Variants in ADGRV1 observed in about 807,000 individuals in gnomAD.
ADGRV1 encodes the protein adhesion G protein-coupled receptor V1.
In ADGRV1, 359 loss-of-function variants were observed where a neutral mutation model predicts 596.2. The observed-to-expected ratio is 0.60, with a 90% CI of 0.55 to 0.66. The LOEUF (loss-of-function observed/expected upper bound fraction) is 0.66, where lower values mean the gene tolerates loss of function less well. Ranked by LOEUF, ADGRV1 falls within the 30% of genes least tolerant of loss-of-function variation. The pLI is 0.00. For synonymous variants in ADGRV1, 2,681 were observed against 2,679.2 expected, an observed-to-expected ratio of 1.00 and a Z score of -0.02; for missense variants, 7,274 against 7,575.6, an observed-to-expected ratio of 0.96 and a Z score of 1.48.
intron 79 of ADGRV1, among the ~76,000 whole-genome samples, chr5:90,851,450 G>A (rs1434682229): frequency 6.6e-6 from 1 of 152,130 alleles, no homozygotes; most frequent in African/African-American, 2.4e-5. Context: ...ATTCTGATAT[G>A]CATTATTTAT....
At chr5:90,785,333 A>G (rs1459148961) in intron 67 of ADGRV1, among the ~76,000 whole-genome samples, 1 of 152,252 alleles carries the variant, frequency 6.6e-6, no homozygotes, top group Non-Finnish European at 1.5e-5. Flanking sequence ...ACCATTCAGG[A>G]CATAGGCGTG....
At chr5:90,807,121 GATT>G (rs1455013909) in intron 72 of ADGRV1, among the ~76,000 whole-genome samples, 1 of 152,174 alleles carries the variant, frequency 6.6e-6, no homozygotes, top group Non-Finnish European at 1.5e-5. Context: ...AAAGTGTTGG[GATT>G]ACAGGCGTGA....
At chr5:90,933,179 G>T (rs911838798) in intron 83 of ADGRV1, among the ~76,000 whole-genome samples, 6 of 151,936 alleles carry the variant, frequency 3.9e-5, no homozygotes, top group African/African-American at 1.5e-4. Flanking sequence ...TTTTGTTTAC[G>T]GCAATGAACA....
intron 75 of ADGRV1, among the ~76,000 whole-genome samples, chr5:90,819,325 G>C (rs1168478109): frequency 6.6e-6 from 1 of 151,080 alleles, no homozygotes; most frequent in Non-Finnish European, 1.5e-5. Flanking sequence ...TATTAGTCTT[G>C]CTAGCGGTCT....
At chr5:91,067,013 A>G (rs1787939606) in intron 85 of ADGRV1, among the ~76,000 whole-genome samples, 1 of 152,168 alleles carries the variant, frequency 6.6e-6, no homozygotes, top group South Asian at 2.1e-4. Flanking sequence ...AGAAGTCATG[A>G]CTTGTGGAGC....
intron 83 of ADGRV1, among the ~76,000 whole-genome samples, chr5:90,890,604 AAACACTATAC>A (rs1345978682): frequency 1.6e-4 from 25 of 152,254 alleles, no homozygotes; most frequent in African/African-American, 5.5e-4. Flanking sequence ...GTCACATAAG[AAACACTATAC>A]AAGTGTTCCA....
At chr5:91,022,966 C>A (rs1783762336) in intron 85 of ADGRV1, among the ~76,000 whole-genome samples, 1 of 152,062 alleles carries the variant, frequency 6.6e-6, no homozygotes. Flanking sequence ...AGTCCTAGGG[C>A]CTTGGGGTAG....
chr5:91,113,734 C>G (rs1792589569), intron 87 of ADGRV1, among the ~76,000 whole-genome samples: 1 of 151,718 alleles, frequency 6.6e-6, no homozygotes, highest in African/African-American at 2.4e-5. Context: ...ACCTGGCCAA[C>G]ATGGTGAAAC....
chr5:91,112,228 T>G (rs1255934495), intron 87 of ADGRV1, among the ~76,000 whole-genome samples: 2 of 152,234 alleles, frequency 1.3e-5, no homozygotes, highest in Non-Finnish European at 2.9e-5. Context: ...GTTTTAGTAA[T>G]GAGGGGCTTG....
intron 83 of ADGRV1, among the ~76,000 whole-genome samples, chr5:90,923,522 C>A (rs1380557859): frequency 1.3e-5 from 2 of 152,070 alleles, no homozygotes; most frequent in African/African-American, 4.8e-5. Context: ...TGACCTGGGG[C>A]TCACACACCT....
chr5:91,157,764 A>G (rs1033028512), intron 89 of ADGRV1, among the ~76,000 whole-genome samples: 5 of 152,220 alleles, frequency 3.3e-5, no homozygotes, highest in African/African-American at 1.2e-4. Flanking sequence ...AAAATGAAAA[A>G]GACTCATCAG....
Position 90,847,507 on chromosome 5 carries a change from T to C in ADGRV1, c.17020-1130T>C, listed in dbSNP as rs113119957. On this transcript the variant is annotated intron_variant, in intron 78 of 89. Transcript: ENST00000405460. Reference sequence around the variant, plus strand: ...GTGGAGCTGCCTGCCAGTCCTGCGCTGTGTGCCCACACTCCTCAGCCCTTG... The same window carrying C: ...GTGGAGCTGCCTGCCAGTCCTGCGCCGTGTGCCCACACTCCTCAGCCCTTG... Among the ~76,000 whole-genome samples the C allele has an allele frequency of 5.5e-3, 839 of 152,350 alleles. 10 individuals are homozygous for C. The highest frequency in any genetic ancestry group is 0.019 in the African/African-American group (797 of 41,578).
At chr5:90,934,044 A>G (rs1242255254) in intron 83 of ADGRV1, among the ~76,000 whole-genome samples, 1 of 152,216 alleles carries the variant, frequency 6.6e-6, no homozygotes, top group East Asian at 1.9e-4. Flanking sequence ...TCAGAAAAGT[A>G]GCCATGGGTT....
chr5:91,132,054 G>A (rs1794262865), intron 87 of ADGRV1, among the ~76,000 whole-genome samples: 1 of 152,082 alleles, frequency 6.6e-6, no homozygotes, highest in Admixed American at 6.6e-5. Context: ...GAATAGATAT[G>A]CTTCCCCATT....
Position 90,769,275 on chromosome 5 carries a change from T to G in ADGRV1, c.12286-4911T>G, listed in dbSNP as rs144358278. Among the ~76,000 whole-genome samples the G allele has an allele frequency of 1.8e-4, 27 of 152,260 alleles. No individual in the cohort carries two copies. The East Asian group carries it at 5.2e-3, about 29-fold the overall frequency. On this transcript the variant is annotated intron_variant, in intron 59 of 89. Transcript: ENST00000405460. ...GTCTTTTATGATATACCTTATTTTT[T>G]CACTGCCCACTTTGACTCTTTGCCT... is the stretch of plus-strand genomic sequence containing the variant.
Position 90,755,080 on chromosome 5 carries a change from T to C in ADGRV1, c.11475T>C (p.His3825=). 6.2e-7 allele frequency: 1 copy of C among 1,610,286 alleles called. No individual in the cohort carries two copies. The highest frequency in any genetic ancestry group is 1.1e-5 in the South Asian group (1 of 90,996). ...GAGCTCAACCCAATTTCTTACTGCATGTCGATAATCAAGCTACTGAGAATG... is the reference window on the plus strand; with the variant it reads ...GAGCTCAACCCAATTTCTTACTGCACGTCGATAATCAAGCTACTGAGAATG... The part of the protein sequence containing the change: ...HLRAQPNFLL[H]VDNQATENED... Residue 3825 remains histidine (H), a synonymous_variant, in exon 55 of 90, where the codon CAT becomes CAC. Transcript: ENST00000405460.
chr5:91,146,714 A>G, intron 87 of ADGRV1, among the ~76,000 whole-genome samples: 1 of 152,252 alleles, frequency 6.6e-6, no homozygotes, highest in East Asian at 1.9e-4. Flanking sequence ...AAATGGAAAT[A>G]AGTGAAATAG....
rs1561712232 is a variant in ADGRV1 at position 90,778,921 on chromosome 5, C to G, written c.12906C>G (p.Tyr4302Ter). 2.5e-6 allele frequency: 4 copies of G among 1,613,432 alleles called. No individual in the cohort carries two copies. Among genetic ancestry groups the G allele is most frequent in the Non-Finnish European group, 3.4e-6 (4 of 1,179,508 alleles). Residue 4302 changes from tyrosine (Y) to a stop codon, truncating the protein, a stop_gained, in exon 64 of 90, where the codon TAC becomes TAG. Coordinates refer to ENST00000405460, the MANE Select transcript of ADGRV1 (RefSeq NM_032119.4). LOFTEE classifies it high-confidence loss of function. ...ATTTTGGCCATGTGCGACTCTGGTA[C>G]AAGACGATGAGCGGGACAGCGGAAG... ...SGDFGHVRLWYKTMSGTAEAG... is the reference protein window; with the variant it reads ...SGDFGHVRLW
At position 90,651,640 on chromosome 5, in the gene ADGRV1, T is replaced by A. The variant is rs1768641644; in HGVS notation, c.3326T>A (p.Val1109Glu). ...TVVYQYGVATVIIEANDDPNG... is the reference protein window; with the variant it reads ...TVVYQYGVATEIIEANDDPNG... ...GTATATCAATATGGAGTAGCTACAG[T>A]AATAATTGAAGCTAATGATGACCCA... The change falls in exon 18 of 90, where the codon GTA becomes GAA. Residue 1109 changes from valine to glutamate, a missense_variant. Physicochemically the swap from Val to Glu is moderately radical, Grantham distance 121. Coordinates refer to ENST00000405460, the MANE Select transcript of ADGRV1 (RefSeq NM_032119.4). 1.2e-6 allele frequency: 2 copies of A among 1,609,564 alleles called. No homozygotes were observed. Among genetic ancestry groups the A allele is most frequent in the Non-Finnish European group, 1.7e-6 (2 of 1,176,354 alleles).
Sources: gnomAD v4.1 joint callset for allele counts (sites outside exome capture counted in the v4.1 genomes callset) on GRCh38, gnomAD v4.1.1 for gene constraint, MANE v1.5 for transcripts, NCBI Gene and HGNC (gene_info 2026-07-23, HGNC 2026-07-21) for gene names.